PKD1L3: variants seen among roughly 807,000 people sequenced by gnomAD.
The protein encoded by PKD1L3 is polycystin 1 like 3, transient receptor potential channel interacting.
In PKD1L3, 239 loss-of-function variants were observed where a neutral mutation model predicts 184.1. The ratio of observed to expected loss-of-function variants is 1.30; its 90% CI spans 1.17 to 1.45. PKD1L3 has a LOEUF of 1.45. PKD1L3 is among the 40% of genes most tolerant of loss of function. The pLI is 0.00. For synonymous variants in PKD1L3, 996 were observed against 778.8 expected (o/e 1.28, Z -4.64); for missense variants, 2,660 against 2,067.2 (o/e 1.29, Z -5.56).
chr16:71,964,480 A>G (rs1045514174), intron 15 of PKD1L3, among the ~76,000 whole-genome samples: 1 of 151,300 alleles, frequency 6.6e-6, no homozygotes, highest in South Asian at 2.1e-4. Context: ...CTGGGACTAC[A>G]GGAAGGAGCC....
At chr16:71,989,725 C>A (rs996541857) in intron 4 of PKD1L3, among the ~76,000 whole-genome samples, 3 of 152,088 alleles carry the variant, frequency 2.0e-5, no homozygotes, top group Admixed American at 2.0e-4. Context: ...GGAATAAATA[C>A]CCAACCAACA....
intron 16 of PKD1L3, among the ~76,000 whole-genome samples, chr16:71,962,267 A>G (rs2143521828): frequency 6.6e-6 from 1 of 152,194 alleles, no homozygotes; most frequent in East Asian, 1.9e-4. Flanking sequence ...TGTTCCCATG[A>G]GGAAAAAGCC....
chr16:71,958,068 T>C (rs1485435176), intron 16 of PKD1L3, among the ~76,000 whole-genome samples: 1 of 152,084 alleles, frequency 6.6e-6, no homozygotes, highest in East Asian at 1.9e-4. Context: ...TCCACTTAAA[T>C]AGCTAACTAT....
chr16:71,965,945 C>G (rs1023304965), intron 15 of PKD1L3, among the ~76,000 whole-genome samples: 1 of 152,142 alleles, frequency 6.6e-6, no homozygotes, highest in Non-Finnish European at 1.5e-5. Flanking sequence ...AACATCTTTT[C>G]AAGTGCTTAC....
At chr16:71,983,663 CTTTT>C (rs1180950058) in intron 6 of PKD1L3, among the ~76,000 whole-genome samples, 1,157 of 100,242 alleles carry the variant, frequency 0.012, 12 homozygotes, top group African/African-American at 0.041. Context: ...GATTCTCTTT[CTTTT>C]TTTTTTTTTT....
chr16:71,978,114 T>G, intron 10 of PKD1L3, 141 bp downstream of exon 10: 4 of 1,042,946 alleles, frequency 3.8e-6, no homozygotes, highest in Non-Finnish European at 5.4e-6. Flanking sequence ...TATCTCTTTG[T>G]AAAAGTTCCT....
rs2039359297 is a variant in PKD1L3 at position 71,963,366 on chromosome 16, A to T, written c.2466-15T>A. The T allele has an allele frequency of 1.3e-6, 2 of 1,541,338 alleles. No individual in the cohort carries two copies. The highest frequency in any genetic ancestry group is 8.8e-7 in the Non-Finnish European group (1 of 1,141,240). Reference sequence around the variant, plus strand: ...GGCTGACATACCTATAGTAAAATGAAGATAACCACATTAGGGAGATGGGCT... The same window carrying T: ...GGCTGACATACCTATAGTAAAATGATGATAACCACATTAGGGAGATGGGCT... On this transcript the variant is annotated splice_polypyrimidine_tract_variant and intron_variant, in intron 15 of 29. Coordinates refer to ENST00000620267, the MANE Select transcript of PKD1L3 (RefSeq NM_181536.2).
At chr16:71,931,463 CTTTTTTTTT>C (rs11405919) in intron 28 of PKD1L3, among the ~76,000 whole-genome samples, 5 of 115,890 alleles carry the variant, frequency 4.3e-5, no homozygotes, top group Non-Finnish European at 6.9e-5. Context: ...TTCTCCCCCA[CTTTTTTTTT>C]TTTTTTTTTT....
In PKD1L3 at chr16:71,991,476, A is replaced by C. The variant is rs564828720; in HGVS notation, c.536-1147T>G. Among the ~76,000 whole-genome samples the C allele has an allele frequency of 4.3e-4, 66 of 152,386 alleles. 1 individual carries two copies. In the South Asian group the frequency reaches 0.014, roughly 32 times the overall value. ...AAGATGACAAAAAAAATACTGTAGA[A>C]AAATTAAAATCCACATGGGAGGGAA... On this transcript the variant is annotated intron_variant, in intron 3 of 29. Coordinates refer to ENST00000620267, the MANE Select transcript of PKD1L3 (RefSeq NM_181536.2).
chr16:71,982,863 AG>A (rs1229406369), intron 6 of PKD1L3, among the ~76,000 whole-genome samples: 2 of 151,864 alleles, frequency 1.3e-5, no homozygotes, highest in Non-Finnish European at 2.9e-5. Flanking sequence ...CAAAGTGTTT[AG>A]ATTACAGACA....
chr16:71,975,222 ATTT>A (rs11311844), intron 11 of PKD1L3, among the ~76,000 whole-genome samples: 3 of 139,840 alleles, frequency 2.1e-5, no homozygotes, highest in Non-Finnish European at 1.6e-5. Flanking sequence ...CGCTCGGCTA[ATTT>A]TTTTTTTTTT....
chr16:71,942,575 T>C lies in PKD1L3; in HGVS notation c.4309A>G (p.Ser1437Gly). 6.4e-7 allele frequency: 1 copy of C among 1,551,504 alleles called. No individual in the cohort carries two copies. The highest frequency in any genetic ancestry group is 8.7e-7 in the Non-Finnish European group (1 of 1,146,864). Reference protein sequence around the residue: ...RLTSKNENGFSYIMRGAFFTS... With the variant: ...RLTSKNENGFGYIMRGAFFTS... ...CTCCAGTTACCTCTCATGATGTAAC[T>C]GAATCCATTCTCATTCTTGCTTGTC... The change falls in exon 24 of 30, where the codon AGT becomes GGT. Residue 1437 changes from serine (S) to glycine (G), a missense_variant. Physicochemically the swap from Ser to Gly is moderately conservative, Grantham distance 56. Transcript: ENST00000620267.
chr16:71,951,863 A>G (rs2038848071), intron 18 of PKD1L3, 119 bp from the exon 19 acceptor site: 1 of 885,856 alleles, frequency 1.1e-6, no homozygotes, highest in Non-Finnish European at 1.6e-6. Context: ...AGCACAAAGA[A>G]CCTCAATTTT....
Position 71,999,843 on chromosome 16 carries a change from C to T in PKD1L3, c.136G>A (p.Glu46Lys). Residue 46 changes from glutamate (E) to lysine (K), a missense_variant, in exon 1 of 30, where the codon GAA becomes AAA. Physicochemically the swap from Glu to Lys is moderately conservative, Grantham distance 56 (BLOSUM62 1). Transcript: ENST00000620267. ...TGCACATGACAGTAATGCTGTGCTT[C>T]CTCAAAGCTGCATTGAAATCTGTTA... ...QLNRFQCSFE[E>K]AQHYCHVQRG... 2 of 1,551,728 alleles carry T rather than the reference C, an allele frequency of 1.3e-6. No homozygotes were observed. Among genetic ancestry groups the T allele is most frequent in the South Asian group, 2.4e-5 (2 of 84,054 alleles).
intron 24 of PKD1L3, among the ~76,000 whole-genome samples, 155 bp downstream of exon 24, chr16:71,942,405 T>C (rs1188679164): frequency 6.6e-6 from 1 of 150,858 alleles, no homozygotes; most frequent in Non-Finnish European, 1.5e-5. Context: ...GATGGGAGAA[T>C]AAAAACACTT....
rs2038411776 is a variant in PKD1L3, at chr16:71,942,898, TGAA to T, written c.3983_3985del (p.Leu1328del). 3 of 1,551,562 alleles carry T rather than the reference TGAA, an allele frequency of 1.9e-6. No individual in the cohort carries two copies. The highest frequency in any genetic ancestry group is 2.6e-6 in the Non-Finnish European group (3 of 1,146,864). ...ATGATTGGCCCAGGGGTAGAAATCC[TGAA>T]GAAGTTTGATTTCCGAGAACTGGTG... On this transcript the variant is annotated inframe_deletion, in exon 24 of 30. Coordinates refer to ENST00000620267, the MANE Select transcript of PKD1L3 (RefSeq NM_181536.2).
At chr16:71,985,372 A>G (rs927691975) in intron 5 of PKD1L3, among the ~76,000 whole-genome samples, 2 of 152,278 alleles carry the variant, frequency 1.3e-5, no homozygotes, top group East Asian at 3.9e-4. Context: ...GGGAAAAAAA[A>G]GCATGAGGGA....
chr16:71,930,383 A>G lies in PKD1L3; in HGVS notation c.4927-200T>C, dbSNP rs2037900772. 4 of 435,486 alleles carry G rather than the reference A, an allele frequency of 9.2e-6. No individual in the cohort carries two copies. The East Asian group carries it at 1.5e-4, about 16-fold the overall frequency. 27.0% of individuals were successfully genotyped at this position (435,486 alleles called of 1,614,324 possible). A position where few individuals can be genotyped will look rare whatever the true frequency, so the allele number is the denominator to read the frequency against. ...AGGAATGACTCATTTTAAGGAGGTT[A>G]AGATAATTGTGACTGCAGGGCTTTC... is the stretch of plus-strand genomic sequence containing the variant. On this transcript the variant is annotated intron_variant, in intron 28 of 29. Coordinates refer to ENST00000620267, the MANE Select transcript of PKD1L3 (RefSeq NM_181536.2).
intron 22 of PKD1L3, among the ~76,000 whole-genome samples, chr16:71,946,302 CCT>C (rs1162013857): frequency 6.6e-6 from 1 of 152,136 alleles, no homozygotes; most frequent in Non-Finnish European, 1.5e-5. Flanking sequence ...GCTGTGTACC[CCT>C]CTGTGATGGC....
Sources: gnomAD v4.1 joint callset for allele counts (sites outside exome capture counted in the v4.1 genomes callset) on GRCh38, gnomAD v4.1.1 for gene constraint, MANE v1.5 for transcripts, NCBI Gene and HGNC (gene_info 2026-07-23, HGNC 2026-07-21) for gene names.